The following ENTPD7 variants were observed in gnomAD, a reference collection of about 807,000 sequenced individuals.
ENTPD7 encodes NTPDase 7.
In ENTPD7, 53 loss-of-function variants were observed where a neutral mutation model predicts 77.9. The ratio of observed to expected loss-of-function variants is 0.68; its 90% CI spans 0.55 to 0.85. The LOEUF (loss-of-function observed/expected upper bound fraction) is 0.85. ENTPD7 is among the 40% of genes least tolerant of loss of function. ENTPD7 has a pLI of 0.00. For synonymous variants in ENTPD7, 248 were observed against 274.9 expected (o/e 0.90, Z 0.97); for missense variants, 636 against 743.7 (o/e 0.86, Z 1.68).
intron 5 of ENTPD7, among the ~76,000 whole-genome samples, chr10:99,682,013 T>C (rs762856958): frequency 6.6e-6 from 1 of 151,812 alleles, no homozygotes; most frequent in Non-Finnish European, 1.5e-5. Context: ...TTTCCTTTAC[T>C]GTACAGAAAT....
intron 7 of ENTPD7, among the ~76,000 whole-genome samples, chr10:99,689,425 T>C (rs569677356): frequency 6.6e-6 from 1 of 152,314 alleles, no homozygotes; most frequent in East Asian, 1.9e-4. Flanking sequence ...GATCACCTGG[T>C]AGAAAGAATT....
chr10:99,694,151 A>G (rs1193658472), intron 8 of ENTPD7, among the ~76,000 whole-genome samples: 2 of 152,056 alleles, frequency 1.3e-5, no homozygotes, highest in African/African-American at 4.8e-5. Context: ...AAGAAACCCC[A>G]TATTCACTCC....
At chr10:99,698,461 T>G in intron 9 of ENTPD7, 73 bp from the exon 10 acceptor site, 1 of 1,409,766 alleles carries the variant, frequency 7.1e-7, no homozygotes, top group Non-Finnish European at 9.7e-7. Context: ...CTGATGCACA[T>G]TGTGTTTCTT....
Position 99,691,507 on chromosome 10 carries a change from C to A in ENTPD7, c.832C>A (p.Pro278Thr). ...YEVPTSTSVLPAKQEEAAKIL... is the reference protein window; with the variant it reads ...YEVPTSTSVLTAKQEEAAKIL... ...AGTTCCTACCTCAACCTCTGTCCTT[C>A]CTGCAAAGCAGGTACTTTACCTTTT... The change falls in exon 8 of 13, where the codon CCT (proline) becomes ACT (threonine). Residue 278 changes from proline to threonine, a missense_variant. Transcript: ENST00000370489. 2 of 1,613,506 alleles carry A rather than the reference C, an allele frequency of 1.2e-6. No individual in the cohort carries two copies. Among genetic ancestry groups the A allele is most frequent in the Non-Finnish European group, 8.5e-7 (1 of 1,179,818 alleles).
chr10:99,699,701 A>C (rs1485735383), intron 10 of ENTPD7, among the ~76,000 whole-genome samples: 2 of 152,110 alleles, frequency 1.3e-5, no homozygotes, highest in Non-Finnish European at 2.9e-5. Flanking sequence ...AGTAGCTGGG[A>C]TTACAGATGC....
At position 99,698,688 on chromosome 10, in the gene ENTPD7, C is replaced by G; in HGVS notation, c.1165C>G (p.Leu389Val). ...GTCTTGTGGGGCAATGCTGAGCCCCCTGCTGGCTCGCTCCAACACCAGCCA... is the reference window on the plus strand; with the variant it reads ...GTCTTGTGGGGCAATGCTGAGCCCCGTGCTGGCTCGCTCCAACACCAGCCA... Reference protein sequence around the residue: ...WVSCGAMLSPLLARSNTSQAS... With the variant: ...WVSCGAMLSPVLARSNTSQAS... The change falls in exon 10 of 13, where the codon CTG (leucine) becomes GTG (valine). Residue 389 changes from leucine (L) to valine (V), a missense_variant. This residue lies in a region of ENTPD7 where 486 missense variants were observed against 556.5 expected (regional missense o/e 0.87). Transcript: ENST00000370489. 1 of 1,614,202 alleles carries G rather than the reference C, an allele frequency of 6.2e-7. No homozygotes were observed. Among genetic ancestry groups the G allele is most frequent in the African/African-American group, 1.3e-5 (1 of 75,060 alleles).
At chr10:99,701,419 C>G (rs2036124204) in intron 11 of ENTPD7, among the ~76,000 whole-genome samples, 2 of 151,904 alleles carry the variant, frequency 1.3e-5, no homozygotes, top group South Asian at 2.1e-4. Flanking sequence ...CCCCAAGTAG[C>G]TGGGACTATA....
intron 5 of ENTPD7, among the ~76,000 whole-genome samples, chr10:99,682,199 GT>G (rs11452695): frequency 1.0e-4 from 15 of 145,352 alleles, no homozygotes; most frequent in South Asian, 2.1e-4. Context: ...GTCAACAGCA[GT>G]TTTTTTTTTT....
chr10:99,661,420 A>G (rs977917670), intron 2 of ENTPD7, 26 bp from the exon 3 acceptor site: 9 of 1,572,430 alleles, frequency 5.7e-6, no homozygotes, highest in Non-Finnish European at 7.8e-6. Flanking sequence ...AATGTTTCAG[A>G]CTTACTAATG....
intron 3 of ENTPD7, among the ~76,000 whole-genome samples, chr10:99,671,251 G>C (rs74955451): frequency 0.011 from 1,600 of 151,880 alleles, 31 homozygotes; most frequent in African/African-American, 0.037. Flanking sequence ...TTAACTTACT[G>C]TAACTTTTCC....
chr10:99,690,398 T>C (rs1427005893), intron 7 of ENTPD7, among the ~76,000 whole-genome samples: 2 of 152,214 alleles, frequency 1.3e-5, no homozygotes, highest in Non-Finnish European at 2.9e-5. Flanking sequence ...TTCATAGTCA[T>C]ATTTCTGACT....
intron 8 of ENTPD7, 133 bp from the exon 9 acceptor site, chr10:99,695,823 T>A: frequency 1.3e-6 from 1 of 779,022 alleles, no homozygotes; most frequent in Non-Finnish European, 2.0e-6. Flanking sequence ...AATAATGCTA[T>A]GAGGATGAAA....
At chr10:99,695,881 G>T in intron 8 of ENTPD7, 75 bp from the exon 9 acceptor site, 1 of 1,392,164 alleles carries the variant, frequency 7.2e-7, no homozygotes, top group Non-Finnish European at 9.8e-7. Flanking sequence ...GAAGCCTCGT[G>T]TATTAGCAAT....
At chr10:99,684,936 A>G (rs1052283988) in intron 5 of ENTPD7, among the ~76,000 whole-genome samples, 2 of 152,192 alleles carry the variant, frequency 1.3e-5, no homozygotes, top group Non-Finnish European at 2.9e-5. Context: ...AAAAAAATCA[A>G]CCCTTGAAAT....
chr10:99,690,941 G>T (rs918356694), intron 7 of ENTPD7, among the ~76,000 whole-genome samples: 1 of 152,142 alleles, frequency 6.6e-6, no homozygotes, highest in Non-Finnish European at 1.5e-5. Flanking sequence ...TAATTCACAA[G>T]AATTATTCTT....
intron 5 of ENTPD7, among the ~76,000 whole-genome samples, chr10:99,680,898 A>G (rs961135555): frequency 6.6e-6 from 1 of 152,130 alleles, no homozygotes; most frequent in Non-Finnish European, 1.5e-5. Context: ...TAAGTATACA[A>G]TACGTTATTG....
rs1230942626 is a variant in ENTPD7, at chr10:99,698,472, A to T, written c.1011-62A>T. On this transcript the variant is annotated intron_variant, in intron 9 of 12. Transcript: ENST00000370489. ...ATTTCTGATGCACATTGTGTTTCTTAGACTAGGTTGAATACAGGCATGACG... is the reference window on the plus strand; with the variant it reads ...ATTTCTGATGCACATTGTGTTTCTTTGACTAGGTTGAATACAGGCATGACG... 32 of 1,498,062 alleles carry T rather than the reference A, an allele frequency of 2.1e-5. No individual in the cohort carries two copies. The South Asian group carries it at 3.9e-4, about 18-fold the overall frequency. 92.8% of individuals were successfully genotyped at this position (1,498,062 alleles called of 1,614,324 possible). A position where few individuals can be genotyped will look rare whatever the true frequency, so the allele number is the denominator to read the frequency against.
At chr10:99,668,119 G>A (rs550401321) in intron 3 of ENTPD7, among the ~76,000 whole-genome samples, 39 of 151,812 alleles carry the variant, frequency 2.6e-4, no homozygotes, top group African/African-American at 8.9e-4. Context: ...ATTTTTAGTA[G>A]AGACAGGGTT....
intron 3 of ENTPD7, among the ~76,000 whole-genome samples, chr10:99,672,734 A>G (rs931114583): frequency 1.4e-4 from 22 of 152,204 alleles, no homozygotes; most frequent in Non-Finnish European, 2.9e-4. Flanking sequence ...TATTACTATC[A>G]TCAGTCATGC....
Sources: gnomAD v4.1 joint callset for allele counts (sites outside exome capture counted in the v4.1 genomes callset) on GRCh38, gnomAD v4.1.1 for gene constraint, gnomAD v4.1.1 regional missense constraint, MANE v1.5 for transcripts, NCBI Gene and HGNC (gene_info 2026-07-23, HGNC 2026-07-21) for gene names.